The following TPTE2 variants were observed in gnomAD, a reference collection of about 807,000 sequenced individuals.
The protein encoded by TPTE2 is transmembrane phosphoinositide 3-phosphatase and tensin homolog 2.
TPTE2 carries 53 observed loss-of-function variants against 78.6 expected under a neutral mutation model. The ratio of observed to expected loss-of-function variants is 0.67; its 90% CI spans 0.54 to 0.85. The LOEUF (loss-of-function observed/expected upper bound fraction) is 0.85. Ranked by LOEUF, TPTE2 falls within the 40% of genes least tolerant of loss-of-function variation. The probability of loss-of-function intolerance (pLI) is 0.00; values close to 1 mark genes in which losing one functional copy is unlikely to be tolerated. For synonymous variants in TPTE2, 175 were observed against 206.2 expected, an observed-to-expected ratio of 0.85 and a Z score of 1.30; for missense variants, 461 against 623.0, an observed-to-expected ratio of 0.74 and a Z score of 2.77.
chr13:19,439,185 T>A (rs1219608122), intron 13 of TPTE2, among the ~76,000 whole-genome samples: 168 of 152,042 alleles, frequency 1.1e-3, no homozygotes, highest in Middle Eastern at 3.4e-3. Flanking sequence ...AAATCAGCCC[T>A]TTGCCTGGGG....
chr13:19,528,122 C>A (rs1870626967), intron 1 of TPTE2, among the ~76,000 whole-genome samples: 4 of 152,118 alleles, frequency 2.6e-5, no homozygotes, highest in African/African-American at 9.7e-5. Flanking sequence ...TGGCTCACAC[C>A]TGTACTCTCA....
intron 1 of TPTE2, among the ~76,000 whole-genome samples, chr13:19,532,688 C>G (rs1203525581): frequency 3.3e-5 from 5 of 152,222 alleles, no homozygotes; most frequent in Admixed American, 3.3e-4. Flanking sequence ...GAATCTGTAG[C>G]CTGTCTCTTT....
chr13:19,423,023 G>A, exon 20 of TPTE2: 5 of 1,606,844 alleles, frequency 3.1e-6, no homozygotes, highest in Non-Finnish European at 3.4e-6. Flanking sequence ...GGAAGGGGGA[G>A]CTATACTTAG....
At chr13:19,556,527 A>T in the TPTE2 span, among the ~76,000 whole-genome samples, 4 of 151,886 alleles carry the variant, frequency 2.6e-5, no homozygotes, top group African/African-American at 9.7e-5. Flanking sequence ...TATGTACAAC[A>T]TTCTCCCCCC....
In TPTE2 at chr13:19,498,433, G is replaced by A. The variant is rs541537335; in HGVS notation, c.11+4791C>T. Among the ~76,000 whole-genome samples, 171 of 149,642 alleles carry A rather than the reference G, an allele frequency of 1.1e-3. 1 individual carries two copies. Among genetic ancestry groups the A allele is most frequent in the Non-Finnish European group, 1.3e-3 (85 of 67,348 alleles). On this transcript the variant is annotated intron_variant, in intron 1 of 19. Coordinates refer to ENST00000400230, the Ensembl canonical transcript of TPTE2. The stretch of plus-strand genomic sequence containing the variant: ...GTTACCCTCAAACAGAAGCCCATCA[G>A]ACTAACAGCAGATCTCTCGGCAGAA...
intron 18 of TPTE2, among the ~76,000 whole-genome samples, chr13:19,426,106 C>T (rs1876043330): frequency 7.2e-6 from 1 of 138,910 alleles, no homozygotes; most frequent in African/African-American, 2.6e-5. Flanking sequence ...GTAATCATTG[C>T]TATGCAGTAA....
At position 19,486,061 on chromosome 13, in the gene TPTE2, T is replaced by G. The variant is rs1380602807; in HGVS notation, c.120-3514A>C. Among the ~76,000 whole-genome samples the G allele has an allele frequency of 6.6e-6, 1 of 152,186 alleles. No individual in the cohort carries two copies. The highest frequency in any genetic ancestry group is 6.5e-5 in the Admixed American group (1 of 15,278). On this transcript the variant is annotated intron_variant, in intron 3 of 19. Coordinates refer to ENST00000400230, the Ensembl canonical transcript of TPTE2. This position sits in a 1 kb window ranked among gnomAD's most constrained non-coding sequence, Gnocchi z 4.3. ...GATAATTATTATTTCCCTTTGTAGA[T>G]GACATGTTTTCTTGCATTTTCACGG...
At chr13:19,493,929 G>C (rs763953831) in intron 1 of TPTE2, among the ~76,000 whole-genome samples, 2 of 152,170 alleles carry the variant, frequency 1.3e-5, no homozygotes, top group Non-Finnish European at 2.9e-5. Context: ...GGTAACTAGA[G>C]GTCTGACACA....
At chr13:19,427,079 CT>C (rs55904352) in intron 17 of TPTE2, among the ~76,000 whole-genome samples, 72 of 67,296 alleles carry the variant, frequency 1.1e-3, no homozygotes, top group East Asian at 4.3e-3. Context: ...CTTTTCTTTT[CT>C]TTTTTTTTTT....
chr13:19,474,715 C>T (rs1157248546), intron 5 of TPTE2, among the ~76,000 whole-genome samples: 4 of 152,194 alleles, frequency 2.6e-5, no homozygotes, highest in Admixed American at 1.3e-4. Context: ...AGACTATTTG[C>T]CTAATCCATA....
the TPTE2 span, among the ~76,000 whole-genome samples, chr13:19,550,474 AAAAAT>A: frequency 6.6e-6 from 1 of 152,208 alleles, no homozygotes; most frequent in Non-Finnish European, 1.5e-5. Context: ...TAAAATTTTG[AAAAAT>A]AAAATGTTAC....
chr13:19,469,416 T>C (rs1256413813), intron 6 of TPTE2, among the ~76,000 whole-genome samples: 1 of 152,200 alleles, frequency 6.6e-6, no homozygotes, highest in Non-Finnish European at 1.5e-5. Flanking sequence ...CATGGTGTTT[T>C]GGTTATATAG....
At chr13:19,427,747 A>T (rs534390689) in intron 17 of TPTE2, among the ~76,000 whole-genome samples, 2 of 152,324 alleles carry the variant, frequency 1.3e-5, no homozygotes, top group East Asian at 1.9e-4. Context: ...TGCAGGCTGC[A>T]GGATGGAGTG....
chr13:19,543,059 C>CTTT, the TPTE2 span, among the ~76,000 whole-genome samples: 3 of 144,710 alleles, frequency 2.1e-5, no homozygotes, highest in African/African-American at 7.6e-5. Flanking sequence ...ATTTCTTTTT[C>CTTT]TTTTTTTTTT....
At chr13:19,557,180 CCAAAT>C in the TPTE2 span, among the ~76,000 whole-genome samples, 8 of 152,280 alleles carry the variant, frequency 5.3e-5, no homozygotes, top group East Asian at 1.3e-3. Context: ...ATGTTCTAAC[CCAAAT>C]TAGTAGCTAA....
chr13:19,506,469 G>C (rs1869058628), upstream of TPTE2, among the ~76,000 whole-genome samples: 1 of 152,026 alleles, frequency 6.6e-6, no homozygotes, highest in African/African-American at 2.4e-5. Flanking sequence ...CACCGCACCT[G>C]GCCTAAATCT....
chr13:19,507,067 G>T (rs140545608), upstream of TPTE2, among the ~76,000 whole-genome samples: 2 of 151,992 alleles, frequency 1.3e-5, no homozygotes, highest in Non-Finnish European at 1.5e-5. Context: ...TAACATTTGC[G>T]TGTATCTTTA....
intron 17 of TPTE2, 103 bp downstream of exon 20, chr13:19,430,365 T>A: frequency 2.4e-6 from 2 of 849,282 alleles, no homozygotes; most frequent in Non-Finnish European, 3.7e-6. Context: ...CGTTATGGAA[T>A]CTCTTTATGG....
At chr13:19,498,065 A>G (rs1386990554) in intron 1 of TPTE2, among the ~76,000 whole-genome samples, 4 of 151,316 alleles carry the variant, frequency 2.6e-5, no homozygotes, top group African/African-American at 9.7e-5. Flanking sequence ...GGAAGATGAA[A>G]TGAATGAAAT....
Sources: allele counts gnomAD v4.1 joint callset (sites outside exome capture counted in the v4.1 genomes callset), GRCh38; gene constraint gnomAD v4.1.1; non-coding constraint Gnocchi (gnomAD v3.1); transcripts MANE v1.5; gene names NCBI Gene and HGNC (gene_info 2026-07-23, HGNC 2026-07-21).